Variants in CSRP2 observed in about 807,000 individuals in gnomAD.
CSRP2 encodes the protein cysteine and glycine-rich protein 2.
Under a neutral mutation model 24.6 loss-of-function variants are expected in CSRP2, and 18 were observed. The observed-to-expected ratio is 0.73, with a 90% CI of 0.51 to 1.09. CSRP2 has a LOEUF of 1.09. CSRP2 is among the 50% of genes least tolerant of loss of function. The probability of loss-of-function intolerance (pLI) is 0.00; values close to 1 mark genes in which losing one functional copy is unlikely to be tolerated. For missense variants in CSRP2, 215 were observed against 239.4 expected, an observed-to-expected ratio of 0.90 and a Z score of 0.67; for synonymous variants, 87 against 84.3, an observed-to-expected ratio of 1.03 and a Z score of -0.18.
intron 1 of CSRP2, among the ~76,000 whole-genome samples, chr12:76,868,668 A>G (rs777925228): frequency 2.0e-4 from 31 of 152,316 alleles, no homozygotes; most frequent in Non-Finnish European, 4.0e-4. Context: ...TGGTTTGGCC[A>G]GGTGCGGTGG....
At chr12:76,859,718 C>T (rs906235979) in intron 4 of CSRP2, 78 bp from the exon 5 acceptor site, 8 of 1,072,744 alleles carry the variant, frequency 7.5e-6, no homozygotes, top group Non-Finnish European at 1.1e-5. Context: ...CAAGAAGTGG[C>T]TCAGGATGAT....
intron 2 of CSRP2, chr12:76,865,840 G>A: frequency 3.2e-6 from 1 of 309,926 alleles, no homozygotes; most frequent in African/African-American, 2.2e-5. Context: ...CAGAAACTGT[G>A]CTAGGTGCCA....
chr12:76,876,772 AGGTGT>A (rs1191563334), intron 1 of CSRP2, among the ~76,000 whole-genome samples: 1 of 152,218 alleles, frequency 6.6e-6, no homozygotes, highest in Non-Finnish European at 1.5e-5. Context: ...AACGCTCTTC[AGGTGT>A]GAGCCAGCTC....
chr12:76,869,525 AAACAAC>A (rs1033508232), intron 1 of CSRP2, among the ~76,000 whole-genome samples: 5 of 109,772 alleles, frequency 4.6e-5, no homozygotes, highest in Non-Finnish European at 9.6e-5. Flanking sequence ...TCCTTAAAAC[AAACAAC>A]ACACACACAC....
chr12:76,870,518 A>T (rs1268746923), intron 1 of CSRP2, among the ~76,000 whole-genome samples: 2 of 152,188 alleles, frequency 1.3e-5, no homozygotes, highest in African/African-American at 4.8e-5. Flanking sequence ...TGGTCCCTTG[A>T]TGGTGGGGAC....
At chr12:76,859,212 T>C (rs1286284062) in intron 5 of CSRP2, among the ~76,000 whole-genome samples, 184 bp from the exon 6 acceptor site, 1 of 152,268 alleles carries the variant, frequency 6.6e-6, no homozygotes, top group Non-Finnish European at 1.5e-5. Flanking sequence ...CCACACATTC[T>C]GGCCCTATAG....
chr12:76,859,359 G>A (rs1592506084), intron 5 of CSRP2, 188 bp downstream of exon 5: 2 of 602,880 alleles, frequency 3.3e-6, no homozygotes, highest in Non-Finnish European at 5.9e-6. Context: ...TTTTTATCTG[G>A]TGGGGAGTTT....
chr12:76,869,545 C>CAT lies in CSRP2; in HGVS notation c.-1-3285_-1-3284insAT, dbSNP rs558315134. Among the ~76,000 whole-genome samples, 941 of 137,670 alleles carry CAT rather than the reference C, an allele frequency of 6.8e-3. 5 individuals carry two copies. The highest frequency in any genetic ancestry group is 0.016 in the South Asian group (72 of 4,628). 90.3% of individuals were successfully genotyped at this position (137,670 alleles called of 152,430 possible). A position where few individuals can be genotyped will look rare whatever the true frequency, so the allele number is the denominator to read the frequency against. On this transcript the variant is annotated intron_variant, in intron 1 of 5. Transcript: ENST00000311083. Reference sequence around the variant, plus strand: ...AAAACAAACAACACACACACACACACACACACACACACACACACACACACA... The same window carrying CAT: ...AAAACAAACAACACACACACACACACATACACACACACACACACACACACACA...
chr12:76,866,116 TC>T (rs766321037), intron 2 of CSRP2, 32 bp downstream of exon 2: 1 of 1,531,058 alleles, frequency 6.5e-7, no homozygotes, highest in Non-Finnish European at 9.0e-7. Flanking sequence ...ACATACAAAT[TC>T]CGTCAAAGGT....
intron 1 of CSRP2, among the ~76,000 whole-genome samples, chr12:76,872,273 A>G (rs1346023459): frequency 6.6e-6 from 1 of 152,230 alleles, no homozygotes. Context: ...AGACTCACCC[A>G]TGCGGAAAAA....
At chr12:76,872,769 C>T (rs1325696406) in intron 1 of CSRP2, among the ~76,000 whole-genome samples, 1 of 152,194 alleles carries the variant, frequency 6.6e-6, no homozygotes, top group Non-Finnish European at 1.5e-5. Context: ...TTGGAGCCCC[C>T]CTCCCTGTGT....
Position 76,858,779 on chromosome 12 carries a change from A to G in CSRP2, c.*173T>C, listed in dbSNP as rs1422821191. ...CCCCAAAATGCTGGTGAATAAAGCA[A>G]AAGGATACCATACAGTGCTCTCTTC... is the stretch of plus-strand genomic sequence containing the variant. On this transcript the variant is annotated 3_prime_UTR_variant, in exon 6 of 6. Coordinates refer to ENST00000311083, the MANE Select transcript of CSRP2 (RefSeq NM_001321.3). 8.7e-6 allele frequency: 4 copies of G among 462,314 alleles called. No homozygotes were observed. The highest frequency in any genetic ancestry group is 3.3e-5 in the East Asian group (1 of 30,296). 28.6% of individuals were successfully genotyped at this position (462,314 alleles called of 1,614,324 possible). A position where few individuals can be genotyped will look rare whatever the true frequency, so the allele number is the denominator to read the frequency against.
chr12:76,862,915 A>G (rs1953698188), intron 3 of CSRP2: 1 of 1,521,342 alleles, frequency 6.6e-7, no homozygotes, highest in East Asian at 2.4e-5. Context: ...GTAAATACAA[A>G]TCACTTGCTT....
At chr12:76,859,390 T>G in intron 5 of CSRP2, 157 bp downstream of exon 5, 1 of 615,874 alleles carries the variant, frequency 1.6e-6, no homozygotes, top group Non-Finnish European at 2.9e-6. Flanking sequence ...GGAACTTAAC[T>G]GTGGTTCTCT....
In CSRP2 at chr12:76,876,162, C is replaced by T. The variant is rs535467752; in HGVS notation, c.-2+2776G>A. Among the ~76,000 whole-genome samples, 3 of 152,318 alleles carry T rather than the reference C, an allele frequency of 2.0e-5. No homozygotes were observed. In the South Asian group the frequency reaches 6.2e-4, roughly 32 times the overall value. ...TACTGTGAAACCACCATGAAGCCCT[C>T]TTTCCTATAGTGAACTGGGAAGTAA... On this transcript the variant is annotated intron_variant, in intron 1 of 5. Coordinates refer to ENST00000311083, the MANE Select transcript of CSRP2 (RefSeq NM_001321.3).
intron 1 of CSRP2, among the ~76,000 whole-genome samples, chr12:76,875,089 T>A (rs1953840578): frequency 6.6e-6 from 1 of 152,158 alleles, no homozygotes; most frequent in East Asian, 1.9e-4. Flanking sequence ...ACATTAAGGG[T>A]TGAGACTATT....
intron 3 of CSRP2, chr12:76,862,926 T>C: frequency 6.6e-7 from 1 of 1,514,396 alleles, no homozygotes; most frequent in Non-Finnish European, 8.8e-7. Context: ...TCACTTGCTT[T>C]TGAGAACACG....
intron 1 of CSRP2, among the ~76,000 whole-genome samples, chr12:76,868,927 C>A (rs571552903): frequency 6.8e-6 from 1 of 146,336 alleles, no homozygotes; most frequent in African/African-American, 2.6e-5. Flanking sequence ...AGCGAGACTC[C>A]GCCTCAAAAG....
chr12:76,863,611 G>T, intron 2 of CSRP2: 1 of 334,162 alleles, frequency 3.0e-6, no homozygotes, highest in Non-Finnish European at 5.4e-6. Flanking sequence ...TTTATTTTTA[G>T]TTTGTTTCGT....
Sources: allele counts gnomAD v4.1 joint callset (sites outside exome capture counted in the v4.1 genomes callset), GRCh38; gene constraint gnomAD v4.1.1; transcripts MANE v1.5; gene names NCBI Gene and HGNC (gene_info 2026-07-23, HGNC 2026-07-21).